MAST2: variants seen among roughly 807,000 people sequenced by gnomAD.
MAST2 encodes microtubule associated serine/threonine kinase 2.
MAST2 carries 70 observed loss-of-function variants against 147.4 expected under a neutral mutation model. That is an observed-to-expected ratio of 0.47 (90% CI 0.39 to 0.58). The LOEUF (loss-of-function observed/expected upper bound fraction) is 0.58, where lower values mean the gene tolerates loss of function less well. Ranked by LOEUF, MAST2 falls within the 20% of genes least tolerant of loss-of-function variation. The pLI is 0.00. For missense variants in MAST2, 2,080 were observed against 2,302.3 expected, an observed-to-expected ratio of 0.90 and a Z score of 1.98; for synonymous variants, 869 against 896.8, an observed-to-expected ratio of 0.97 and a Z score of 0.55.
At chr1:46,028,708 G>T (rs757150034) in intron 17 of MAST2, 60 bp from the exon 18 acceptor site, 2 of 1,583,470 alleles carry the variant, frequency 1.3e-6, no homozygotes, top group Non-Finnish European at 1.7e-6. Flanking sequence ...CCCCATCTCC[G>T]GCTGTCATGC....
At chr1:45,947,784 T>C (rs977162637) in intron 4 of MAST2, among the ~76,000 whole-genome samples, 1 of 152,224 alleles carries the variant, frequency 6.6e-6, no homozygotes, top group African/African-American at 2.4e-5. Context: ...AGGGCCCATC[T>C]CGGCCCACTG....
Position 46,035,552 on chromosome 1 carries a change from C to T in MAST2, c.4883C>T (p.Thr1628Ile), listed in dbSNP as rs1391013215. The T allele has an allele frequency of 1.2e-6, 2 of 1,613,586 alleles. No individual in the cohort carries two copies. The highest frequency in any genetic ancestry group is 1.7e-6 in the Non-Finnish European group (2 of 1,179,990). ...KAQHLHTQAL[T>I]ALSPSTSGLT... ...CAGCACCTCCACACCCAGGCACTAA[C>T]AGCACTTTCTCCCAGCACTTCGGGA... Residue 1628 changes from threonine (T) to isoleucine (I), a missense_variant, in exon 29 of 29, where the codon ACA (threonine) becomes ATA (isoleucine). By Grantham distance (89) the Thr-to-Ile change is moderately conservative (BLOSUM62 -1). This residue lies in a region of MAST2 where 1,278 missense variants were observed against 1,304.2 expected (regional missense o/e 0.98). Transcript: ENST00000361297. The surrounding 1 kb of genome is among the most constrained non-coding windows in gnomAD (Gnocchi z 5.5).
chr1:45,839,146 T>TTTTTTTTTTTTTA (rs60017927), intron 3 of MAST2, among the ~76,000 whole-genome samples: 1 of 124,312 alleles, frequency 8.0e-6, no homozygotes, highest in Non-Finnish European at 1.7e-5. Flanking sequence ...TTTTTTTTTT[T>TTTTTTTTTTTTTA]GAGACGGAGT....
At chr1:46,026,969 G>T (rs1037887677) in intron 16 of MAST2, among the ~76,000 whole-genome samples, 3 of 152,220 alleles carry the variant, frequency 2.0e-5, no homozygotes, top group African/African-American at 7.2e-5. Flanking sequence ...ACATTTCAGG[G>T]GCCAGAATAT....
chr1:45,813,986 A>G lies in MAST2; in HGVS notation c.177+9914A>G, dbSNP rs530699345. ...ATTATAACAGAGTTGAAAAATTTCT[A>G]TTGCCTAGTGACATCTAGCTATTAC... On this transcript the variant is annotated intron_variant, in intron 1 of 28. Transcript: ENST00000361297. 6.6e-5 allele frequency among the ~76,000 whole-genome samples: 10 copies of G among 152,278 alleles called. No homozygotes were observed. The South Asian group carries it at 1.7e-3, about 25-fold the overall frequency.
intron 2 of MAST2, among the ~76,000 whole-genome samples, chr1:45,829,013 G>C (rs1348625167): frequency 6.6e-6 from 1 of 152,064 alleles, no homozygotes; most frequent in Non-Finnish European, 1.5e-5. Context: ...GATTAAGGCA[G>C]ACAGTAAACC....
At chr1:45,842,012 A>G (rs532669936) in intron 3 of MAST2, among the ~76,000 whole-genome samples, 1 of 152,346 alleles carries the variant, frequency 6.6e-6, no homozygotes, top group South Asian at 2.1e-4. Flanking sequence ...TTTAGATAAT[A>G]GAGAAGTCTA....
Position 46,035,291 on chromosome 1 carries a change from G to C in MAST2, c.4622G>C (p.Ser1541Thr). ...GTGGCCCCTAAAGGAGCAGGAGAGAGTGGGGAAGAGGATCCTTTCCCGTCC... is the reference window on the plus strand; with the variant it reads ...GTGGCCCCTAAAGGAGCAGGAGAGACTGGGGAAGAGGATCCTTTCCCGTCC... ...QSVAPKGAGE[S>T]GEEDPFPSRD... The change falls in exon 29 of 29, where the codon AGT becomes ACT. Residue 1541 changes from serine (S) to threonine (T), a missense_variant. Around this residue, in one of 4 missense-constraint regions of MAST2, gnomAD observed 1,278 missense variants for 1,304.2 expected, o/e 0.98. Transcript: ENST00000361297. This position sits in a 1 kb window ranked among gnomAD's most constrained non-coding sequence, Gnocchi z 5.5. The C allele has an allele frequency of 6.2e-7, 1 of 1,614,052 alleles. No homozygotes were observed. Among genetic ancestry groups the C allele is most frequent in the East Asian group, 2.2e-5 (1 of 44,858 alleles).
intron 4 of MAST2, among the ~76,000 whole-genome samples, chr1:45,888,461 C>G (rs1369642865): frequency 6.6e-6 from 1 of 151,942 alleles, no homozygotes; most frequent in Non-Finnish European, 1.5e-5. Flanking sequence ...CTCCCGGGTT[C>G]ACACCATTCT....
chr1:45,885,927 G>T (rs935744610), intron 4 of MAST2, among the ~76,000 whole-genome samples: 2 of 152,228 alleles, frequency 1.3e-5, no homozygotes, highest in Non-Finnish European at 2.9e-5. Flanking sequence ...AGAGGAGGAT[G>T]TGTGTTTCTG....
intron 1 of MAST2, among the ~76,000 whole-genome samples, chr1:45,811,254 C>G (rs912958405): frequency 8.6e-5 from 13 of 151,826 alleles, no homozygotes; most frequent in African/African-American, 2.4e-4. Flanking sequence ...GCAGCCTCCC[C>G]CTGTGGGGTT....
intron 10 of MAST2, among the ~76,000 whole-genome samples, chr1:46,017,759 GC>G (rs1646017848): frequency 6.6e-6 from 1 of 152,120 alleles, no homozygotes; most frequent in Admixed American, 6.6e-5. Flanking sequence ...AGTCAGTGGG[GC>G]GATTCCTCAG....
intron 4 of MAST2, among the ~76,000 whole-genome samples, chr1:45,919,267 G>T (rs1253232680): frequency 6.6e-6 from 1 of 152,158 alleles, no homozygotes; most frequent in Non-Finnish European, 1.5e-5. Flanking sequence ...AGGAGGAAGA[G>T]ATATCCAAGG....
At chr1:45,900,331 C>T (rs1327479926) in intron 4 of MAST2, among the ~76,000 whole-genome samples, 6 of 151,910 alleles carry the variant, frequency 3.9e-5, no homozygotes, top group Non-Finnish European at 8.8e-5. Flanking sequence ...AGTATATAAG[C>T]ATTCCCTTTT....
chr1:45,821,747 A>C (rs552542175), intron 1 of MAST2, among the ~76,000 whole-genome samples: 6 of 149,282 alleles, frequency 4.0e-5, no homozygotes, highest in Non-Finnish European at 7.5e-5. Flanking sequence ...TCAAACTCCT[A>C]ACCTCATGAT....
At chr1:45,905,288 G>C (rs982530508) in intron 4 of MAST2, among the ~76,000 whole-genome samples, 38 of 150,608 alleles carry the variant, frequency 2.5e-4, no homozygotes, top group African/African-American at 7.6e-4. Flanking sequence ...GTGTTCAAGT[G>C]ATTCCTCTGC....
At chr1:45,847,755 T>C (rs1219315865) in intron 3 of MAST2, among the ~76,000 whole-genome samples, 6 of 151,968 alleles carry the variant, frequency 3.9e-5, no homozygotes, top group Admixed American at 3.9e-4. Context: ...GATTTTGCCA[T>C]ATTGCCCAGT....
At chr1:45,877,243 G>C (rs1366163817) in intron 3 of MAST2, among the ~76,000 whole-genome samples, 1 of 152,146 alleles carries the variant, frequency 6.6e-6, no homozygotes, top group Non-Finnish European at 1.5e-5. Flanking sequence ...GCTGTATGAA[G>C]CCTCTTTTTT....
intron 6 of MAST2, among the ~76,000 whole-genome samples, chr1:45,998,337 G>A (rs1645139098): frequency 6.6e-6 from 1 of 152,144 alleles, no homozygotes; most frequent in African/African-American, 2.4e-5. Context: ...GAAAGATTTG[G>A]TGCATACAGA....
Sources: gnomAD v4.1 joint callset for allele counts (sites outside exome capture counted in the v4.1 genomes callset) on GRCh38, gnomAD v4.1.1 for gene constraint, gnomAD v4.1.1 regional missense constraint, Gnocchi (gnomAD v3.1) non-coding constraint, MANE v1.5 for transcripts, NCBI Gene and HGNC (gene_info 2026-07-23, HGNC 2026-07-21) for gene names.